Variants in COL24A1 observed in about 807,000 individuals in gnomAD.
COL24A1 encodes collagen alpha-1(XXIV) chain.
COL24A1 carries 224 observed loss-of-function variants against 253.9 expected under a neutral mutation model. The ratio of observed to expected loss-of-function variants is 0.88; its 90% CI spans 0.79 to 0.99. COL24A1 has a LOEUF of 0.99. Ranked by LOEUF, COL24A1 falls within the 50% of genes least tolerant of loss-of-function variation. COL24A1 has a pLI of 0.00. For synonymous variants in COL24A1, 685 were observed against 673.7 expected (o/e 1.02, Z -0.26); for missense variants, 2,131 against 2,068.5 (o/e 1.03, Z -0.59).
At chr1:85,927,300 G>A (rs28571037) in intron 24 of COL24A1, among the ~76,000 whole-genome samples, 29,958 of 151,986 alleles carry the variant, frequency 0.2, 3,278 homozygotes, top group Non-Finnish European at 0.24. Flanking sequence ...TTCCCTTTCC[G>A]AGTCAAAGAA....
intron 55 of COL24A1, among the ~76,000 whole-genome samples, chr1:85,748,349 CTATATGTACTT>C (rs2100982126): frequency 6.6e-6 from 1 of 152,154 alleles, no homozygotes; most frequent in Non-Finnish European, 1.5e-5. Context: ...ACAGTGTGCA[CTATATGTACTT>C]TATATGTCCT....
chr1:86,051,250 T>C (rs1376414683), intron 10 of COL24A1, among the ~76,000 whole-genome samples: 1 of 152,108 alleles, frequency 6.6e-6, no homozygotes, highest in Non-Finnish European at 1.5e-5. Context: ...TGAAAATCAA[T>C]GCCCTCAAAA....
chr1:85,874,495 A>T (rs931457312), intron 35 of COL24A1, among the ~76,000 whole-genome samples, 154 bp downstream of exon 35: 1 of 152,212 alleles, frequency 6.6e-6, no homozygotes, highest in Non-Finnish European at 1.5e-5. Flanking sequence ...AAGGTTTGGG[A>T]TGCAGCTTTT....
chr1:86,073,008 C>A (rs1701982901), intron 7 of COL24A1, among the ~76,000 whole-genome samples: 1 of 152,150 alleles, frequency 6.6e-6, no homozygotes. Flanking sequence ...GATAAATCCA[C>A]AAAGATCAGG....
Position 85,868,570 on chromosome 1 carries a change from G to A in COL24A1, c.3249C>T (p.Gly1083=). ...CCAAGGGTCCTATAATTCCTGGTAA[G>A]CCCATCTCTCCTTTTTCTCCATCCT... ...PGEDGEKGEM[G]LPGIIGPLGR... The change falls in exon 37 of 60, where the codon GGC becomes GGT. Residue 1083 remains glycine, a synonymous_variant. Coordinates refer to ENST00000370571, the MANE Select transcript of COL24A1 (RefSeq NM_152890.7). The A allele has an allele frequency of 3.7e-6, 6 of 1,613,924 alleles. No individual in the cohort carries two copies. The highest frequency in any genetic ancestry group is 1.7e-5 in the Admixed American group (1 of 59,976).
chr1:85,935,578 C>T (rs1255617958), intron 24 of COL24A1, among the ~76,000 whole-genome samples: 1 of 147,504 alleles, frequency 6.8e-6, no homozygotes, highest in African/African-American at 2.5e-5. Flanking sequence ...TCATCCTGTA[C>T]CATTTAGGAA....
intron 27 of COL24A1, among the ~76,000 whole-genome samples, chr1:85,907,673 GT>G (rs933403155): frequency 2.0e-5 from 3 of 151,700 alleles, no homozygotes; most frequent in East Asian, 1.9e-4. Flanking sequence ...CATAAAAATA[GT>G]TTTTTTGTTA....
At chr1:85,947,846 C>T (rs1163579332) in intron 24 of COL24A1, among the ~76,000 whole-genome samples, 2 of 152,138 alleles carry the variant, frequency 1.3e-5, no homozygotes, top group South Asian at 2.1e-4. Flanking sequence ...CCTCAACCCC[C>T]GACAATTTCT....
At position 86,020,785 on chromosome 1, in the gene COL24A1, G is replaced by T. The variant is rs544347010; in HGVS notation, c.2256+1455C>A. 3.3e-5 allele frequency among the ~76,000 whole-genome samples: 5 copies of T among 152,198 alleles called. No homozygotes were observed. In the South Asian group the frequency reaches 1.0e-3, roughly 32 times the overall value. ...GCAAATATCAGAGAGTCTTTATATG[G>T]TTTAGAACCATCCTTGAAAAACAGA... On this transcript the variant is annotated intron_variant, in intron 18 of 59. Transcript: ENST00000370571.
intron 31 of COL24A1, among the ~76,000 whole-genome samples, chr1:85,895,447 A>T (rs1683580989): frequency 6.6e-6 from 1 of 152,174 alleles, no homozygotes; most frequent in South Asian, 2.1e-4. Context: ...TTATATTTAT[A>T]TGTCACACCA....
intron 41 of COL24A1, among the ~76,000 whole-genome samples, chr1:85,841,543 T>C (rs1161936500): frequency 6.6e-6 from 1 of 152,166 alleles, no homozygotes. Flanking sequence ...TTCAATGATA[T>C]TGTAAATTAA....
At chr1:85,765,360 T>C in intron 53 of COL24A1, among the ~76,000 whole-genome samples, 2 of 151,514 alleles carry the variant, frequency 1.3e-5, no homozygotes, top group Middle Eastern at 6.8e-3. Flanking sequence ...TGTTTTTTTT[T>C]ATTATTTCTA....
intron 12 of COL24A1, 23 bp downstream of exon 12, chr1:86,046,802 T>C: frequency 4.3e-6 from 7 of 1,611,250 alleles, no homozygotes; most frequent in Admixed American, 1.7e-5. Flanking sequence ...AAAATAAACC[T>C]CAAAAAACAC....
chr1:85,825,662 C>T (rs1674219129), intron 43 of COL24A1, among the ~76,000 whole-genome samples: 1 of 149,978 alleles, frequency 6.7e-6, no homozygotes, highest in East Asian at 1.9e-4. Flanking sequence ...ATTTGCATTT[C>T]TCTGATGGCC....
intron 19 of COL24A1, among the ~76,000 whole-genome samples, chr1:86,014,639 A>G (rs1024901315): frequency 6.6e-6 from 1 of 151,374 alleles, no homozygotes; most frequent in African/African-American, 2.4e-5. Context: ...CTATTTTTGG[A>G]ATGATGATCC....
chr1:85,862,055 C>T (rs1167593411), intron 37 of COL24A1, among the ~76,000 whole-genome samples: 1 of 152,144 alleles, frequency 6.6e-6, no homozygotes, highest in Non-Finnish European at 1.5e-5. Flanking sequence ...CTCTCACTAC[C>T]CTAGCTGATA....
intron 10 of COL24A1, among the ~76,000 whole-genome samples, chr1:86,055,213 C>A (rs1336695914): frequency 6.6e-6 from 1 of 152,150 alleles, no homozygotes; most frequent in African/African-American, 2.4e-5. Context: ...GCTTTGACAA[C>A]AGGATCACTA....
At chr1:86,133,124 T>G (rs565461680) in intron 2 of COL24A1, among the ~76,000 whole-genome samples, 1 of 152,326 alleles carries the variant, frequency 6.6e-6, no homozygotes, top group East Asian at 1.9e-4. Context: ...CAATTGTGAA[T>G]GGGAGTTCAC....
At chr1:85,762,923 T>G (rs1350589557) in intron 53 of COL24A1, among the ~76,000 whole-genome samples, 1 of 152,102 alleles carries the variant, frequency 6.6e-6, no homozygotes, top group African/African-American at 2.4e-5. Context: ...TCAGAACAAG[T>G]CAGATCACAA....
Sources: gnomAD v4.1 joint callset for allele counts (sites outside exome capture counted in the v4.1 genomes callset) on GRCh38, gnomAD v4.1.1 for gene constraint, MANE v1.5 for transcripts, NCBI Gene and HGNC (gene_info 2026-07-23, HGNC 2026-07-21) for gene names.